SCGB2B2: variants seen among roughly 807,000 people sequenced by gnomAD.
SCGB2B2 encodes secretoglobin family 2B member 2, also known as secretoglobin-like protein.
A neutral mutation model predicts 7.6 loss-of-function variants in SCGB2B2; 11 were observed. The observed-to-expected ratio is 1.45, with a 90% confidence interval of 0.91 to 2.40. The LOEUF (loss-of-function observed/expected upper bound fraction) is 2.40, where lower values mean the gene tolerates loss of function less well. SCGB2B2 is among the 30% of genes most tolerant of loss of function. The pLI, the probability that SCGB2B2 is intolerant of heterozygous loss-of-function variation, is 0.00. For synonymous variants in SCGB2B2, 50 were observed against 48.6 expected (o/e 1.03, Z -0.12); for missense variants, 104 against 115.4 (o/e 0.90, Z 0.45).
At chr19:34,590,234 C>T (rs928555507), downstream of SCGB2B2, among the ~76,000 whole-genome samples, 14 of 152,292 alleles carry the variant, frequency 9.2e-5, no homozygotes, top group East Asian at 1.2e-3. Context: ...AGGTCCTGCA[C>T]AGCCCAAGGA....
chr19:34,671,467 C>T, intron 1 of SCGB2B2, among the ~76,000 whole-genome samples: 1 of 151,362 alleles, frequency 6.6e-6, no homozygotes. Flanking sequence ...ATTCTAAGTG[C>T]TTTGTATTTT....
At chr19:34,624,664 G>A (rs1288557103) in intron 1 of SCGB2B2, among the ~76,000 whole-genome samples, 2 of 152,180 alleles carry the variant, frequency 1.3e-5, no homozygotes, top group Non-Finnish European at 2.9e-5. Context: ...GTTAGTCCAG[G>A]AGTCTTCAGG....
chr19:34,671,664 T>C (rs1211976059), intron 1 of SCGB2B2, among the ~76,000 whole-genome samples: 1 of 152,222 alleles, frequency 6.6e-6, no homozygotes, highest in Non-Finnish European at 1.5e-5. Flanking sequence ...CAGCAATCTT[T>C]TGTAGTTTTC....
chr19:34,629,880 A>AACCAAAACAGCAAGGTACTGGT (rs2066480017), intron 1 of SCGB2B2, among the ~76,000 whole-genome samples: 1 of 152,008 alleles, frequency 6.6e-6, no homozygotes, highest in Non-Finnish European at 1.5e-5. Context: ...AAGGCTACAT[A>AACCAAAACAGCAAGGTACTGGT]ACCAAAACAG....
chr19:34,623,543 C>G lies in SCGB2B2; in HGVS notation c.-2031-26949G>C, dbSNP rs143217380. Among the ~76,000 whole-genome samples the G allele has an allele frequency of 1.1e-3, 161 of 152,304 alleles. No homozygotes were observed. The East Asian group carries it at 0.023, about 21-fold the overall frequency. On this transcript the variant is annotated intron_variant, in intron 1 of 3. Coordinates refer to ENST00000601241, the MANE Select transcript of SCGB2B2 (RefSeq NM_001025591.4). ...ATTACCACCCATGGATCCAGAGGAG[C>G]TAGTCAGCAGGAGTAGTCATGTTTA...
chr19:34,602,725 C>A (rs2145790168), intron 1 of SCGB2B2, among the ~76,000 whole-genome samples: 1 of 152,276 alleles, frequency 6.6e-6, no homozygotes, highest in African/African-American at 2.4e-5. Flanking sequence ...AGTTACTGGT[C>A]TCAGTTCATT....
At chr19:34,597,970 C>A (rs1002866770) in intron 1 of SCGB2B2, among the ~76,000 whole-genome samples, 1 of 151,076 alleles carries the variant, frequency 6.6e-6, no homozygotes, top group African/African-American at 2.4e-5. Context: ...AGTGAGGGGG[C>A]AGAGGGGGCA....
chr19:34,632,817 T>G (rs2066572098), intron 1 of SCGB2B2: 1 of 152,386 alleles, frequency 6.6e-6, no homozygotes, highest in South Asian at 2.1e-4. Context: ...GGGCTAGCCC[T>G]TTCTTAGAGA....
Position 34,592,516 on chromosome 19 carries a change from G to C in SCGB2B2, c.*1039C>G, listed in dbSNP as rs117532876. Among the ~76,000 whole-genome samples the C allele has an allele frequency of 0.013, 2,011 of 152,206 alleles. 15 individuals carry two copies. The highest frequency in any genetic ancestry group is 0.024 in the Middle Eastern group (7 of 294). Reference sequence around the variant, plus strand: ...GGAGGGAGAGGGAGGAGTCTAGGGCGGTGTGAGCTGATAGGGGTAGGCGAC... The same window carrying C: ...GGAGGGAGAGGGAGGAGTCTAGGGCCGTGTGAGCTGATAGGGGTAGGCGAC... On this transcript the variant is annotated 3_prime_UTR_variant, in exon 4 of 4. Coordinates refer to ENST00000601241, the MANE Select transcript of SCGB2B2 (RefSeq NM_001025591.4).
intron 1 of SCGB2B2, among the ~76,000 whole-genome samples, chr19:34,615,811 CATTAGGTA>C (rs905964667): frequency 1.3e-5 from 2 of 151,442 alleles, no homozygotes; most frequent in African/African-American, 4.9e-5. Context: ...CGTCATCTAG[CATTAGGTA>C]TATCTCCCAA....
intron 1 of SCGB2B2, among the ~76,000 whole-genome samples, chr19:34,599,732 T>C (rs951367696): frequency 6.6e-6 from 1 of 152,060 alleles, no homozygotes; most frequent in Non-Finnish European, 1.5e-5. Flanking sequence ...CTCCTGTCTT[T>C]TCCTCCCCGC....
intron 1 of SCGB2B2, among the ~76,000 whole-genome samples, chr19:34,629,369 C>A (rs1050403787): frequency 1.3e-5 from 2 of 151,970 alleles, no homozygotes; most frequent in Admixed American, 6.6e-5. Flanking sequence ...ATTTAGAAAA[C>A]CCCATCGTCT....
At chr19:34,648,025 G>A (rs1316571862) in intron 1 of SCGB2B2, among the ~76,000 whole-genome samples, 1 of 152,234 alleles carries the variant, frequency 6.6e-6, no homozygotes, top group Non-Finnish European at 1.5e-5. Context: ...AGGGGGTCAC[G>A]TTGGGCTGGA....
chr19:34,591,601 G>A lies in SCGB2B2; in HGVS notation c.*1954C>T, dbSNP rs1415386324. Among the ~76,000 whole-genome samples the A allele has an allele frequency of 6.6e-6, 1 of 152,226 alleles. No individual in the cohort carries two copies. The highest frequency in any genetic ancestry group is 1.9e-4 in the East Asian group (1 of 5,188). ...AGGATCCACCTTTCTGCAAGGTCCTGCGTGACCTGGCACTTGCCTCGTTTT... is the reference window on the plus strand; with the variant it reads ...AGGATCCACCTTTCTGCAAGGTCCTACGTGACCTGGCACTTGCCTCGTTTT... On this transcript the variant is annotated 3_prime_UTR_variant, in exon 4 of 4. Transcript: ENST00000601241.
intron 1 of SCGB2B2, among the ~76,000 whole-genome samples, chr19:34,604,594 T>C (rs75153712): frequency 0.02 from 3,089 of 152,338 alleles, 44 homozygotes; most frequent in East Asian, 0.066. Context: ...AGTGGGCCAA[T>C]TGAATCCTTA....
intron 1 of SCGB2B2, among the ~76,000 whole-genome samples, chr19:34,624,758 T>TG (rs2066323529): frequency 6.6e-6 from 1 of 151,992 alleles, no homozygotes; most frequent in South Asian, 2.1e-4. Context: ...AGATCTTCTG[T>TG]GAAAGGGAGC....
intron 1 of SCGB2B2, among the ~76,000 whole-genome samples, chr19:34,626,777 G>A (rs1410956426): frequency 3.3e-5 from 5 of 152,104 alleles, no homozygotes; most frequent in Admixed American, 2.0e-4. Flanking sequence ...GATACTCCTC[G>A]AGAAGAGCAA....
intron 1 of SCGB2B2, among the ~76,000 whole-genome samples, chr19:34,606,830 C>T (rs1176581985): frequency 6.7e-6 from 1 of 150,282 alleles, no homozygotes; most frequent in Non-Finnish European, 1.5e-5. Context: ...AAAAAAAAAG[C>T]ATAGTATATT....
chr19:34,633,438 G>A (rs2066589726), intron 1 of SCGB2B2, among the ~76,000 whole-genome samples: 1 of 152,164 alleles, frequency 6.6e-6, no homozygotes. Flanking sequence ...ACACGAGTCT[G>A]TAATAAAACA....
Sources: gnomAD v4.1 joint callset for allele counts (sites outside exome capture counted in the v4.1 genomes callset) on GRCh38, gnomAD v4.1.1 for gene constraint, MANE v1.5 for transcripts, NCBI Gene and HGNC (gene_info 2026-07-23, HGNC 2026-07-21) for gene names.